MRPS27: variants seen among roughly 807,000 people sequenced by gnomAD.
MRPS27 encodes mitochondrial ribosomal protein S27, also known as small ribosomal subunit protein mS27.
In MRPS27, 43 loss-of-function variants were observed where a neutral mutation model predicts 48.9. The observed-to-expected ratio is 0.88, with a 90% CI of 0.69 to 1.13. The LOEUF (loss-of-function observed/expected upper bound fraction) is 1.13, where lower values mean the gene tolerates loss of function less well. Among genes scored for constraint, MRPS27 ranks in the 50% most tolerant of loss-of-function variants. The probability of loss-of-function intolerance (pLI) is 0.00; values close to 1 mark genes in which losing one functional copy is unlikely to be tolerated. For synonymous variants in MRPS27, 188 were observed against 171.9 expected (o/e 1.09, Z -0.73); for missense variants, 467 against 476.3 (o/e 0.98, Z 0.18).
intron 6 of MRPS27, 147 bp downstream of exon 6, chr5:72,233,972 T>G: frequency 1.2e-6 from 1 of 829,782 alleles, no homozygotes; most frequent in East Asian, 3.8e-5. Flanking sequence ...AAATTTTGCA[T>G]AAAAGATAAT....
chr5:72,305,052 AGAAG>A (rs1235689595), intron 2 of MRPS27, among the ~76,000 whole-genome samples: 2 of 152,250 alleles, frequency 1.3e-5, no homozygotes, highest in Non-Finnish European at 2.9e-5. Flanking sequence ...TTGAATATAC[AGAAG>A]GAAGTATGGA....
rs141829327 is a variant in MRPS27 at position 72,250,597 on chromosome 5, C to A, written c.282-12469G>T. On this transcript the variant is annotated intron_variant, in intron 4 of 10. Coordinates refer to ENST00000261413, the MANE Select transcript of MRPS27 (RefSeq NM_015084.3). ...TTAGAACCCAGCCCCGACTCACTAA[C>A]TGAGTCATTTAACCTAAGAATCAGT... Among the ~76,000 whole-genome samples the A allele has an allele frequency of 8.0e-3, 1,224 of 152,316 alleles. 9 individuals carry two copies. Among genetic ancestry groups the A allele is most frequent in the Non-Finnish European group, 0.012 (783 of 68,034 alleles).
At chr5:72,314,896 A>G (rs1750527098) in intron 1 of MRPS27, among the ~76,000 whole-genome samples, 2 of 152,234 alleles carry the variant, frequency 1.3e-5, no homozygotes, top group South Asian at 4.1e-4. Flanking sequence ...ACAGGTTTCA[A>G]TCATTTCACA....
chr5:72,229,980 G>A (rs577184397), intron 7 of MRPS27, among the ~76,000 whole-genome samples: 2 of 152,114 alleles, frequency 1.3e-5, no homozygotes, highest in African/African-American at 2.4e-5. Context: ...CAAACTTATG[G>A]GATCAAGGGA....
chr5:72,246,127 C>T (rs1488252319), intron 4 of MRPS27, among the ~76,000 whole-genome samples: 1 of 152,132 alleles, frequency 6.6e-6, no homozygotes, highest in East Asian at 1.9e-4. Context: ...AAGTAGGTGC[C>T]TGATAATTTG....
intron 4 of MRPS27, among the ~76,000 whole-genome samples, chr5:72,278,103 T>C (rs1749426114): frequency 6.6e-6 from 1 of 152,008 alleles, no homozygotes; most frequent in Non-Finnish European, 1.5e-5. Context: ...AAAACAAAAA[T>C]AAGCAGAACA....
At chr5:72,251,599 C>A (rs577029454) in intron 4 of MRPS27, among the ~76,000 whole-genome samples, 1 of 152,146 alleles carries the variant, frequency 6.6e-6, no homozygotes, top group East Asian at 1.9e-4. Context: ...GGGTTTATAC[C>A]TTGAGCTTTG....
chr5:72,226,077 T>C lies in MRPS27; in HGVS notation c.817A>G (p.Ile273Val), dbSNP rs764763380. Residue 273 changes from isoleucine (I) to valine (V), a missense_variant, in exon 9 of 11, where the codon ATA becomes GTA. Physicochemically the swap from Ile to Val is conservative, Grantham distance 29. Transcript: ENST00000261413. Reference sequence around the variant, plus strand: ...CATACCGCTTCTCTACACAGCTTTATGTCTTCTGGGGAGGCAGCCACTTTC... The same window carrying C: ...CATACCGCTTCTCTACACAGCTTTACGTCTTCTGGGGAGGCAGCCACTTTC... Reference protein sequence around the residue: ...MEKVAASPEDIKLCREALDVL... With the variant: ...MEKVAASPEDVKLCREALDVL... 2 of 1,613,764 alleles carry C rather than the reference T, an allele frequency of 1.2e-6. No homozygotes were observed. Among genetic ancestry groups the C allele is most frequent in the Non-Finnish European group, 1.7e-6 (2 of 1,179,788 alleles).
chr5:72,247,988 A>G (rs1451742074), intron 4 of MRPS27, among the ~76,000 whole-genome samples: 1 of 152,232 alleles, frequency 6.6e-6, no homozygotes, highest in East Asian at 1.9e-4. Flanking sequence ...ATTGGTTTTT[A>G]GAAAGGTTTA....
At chr5:72,269,725 A>G (rs1466633330) in intron 4 of MRPS27, among the ~76,000 whole-genome samples, 2 of 152,236 alleles carry the variant, frequency 1.3e-5, no homozygotes, top group Non-Finnish European at 2.9e-5. Flanking sequence ...ATGTGTATGC[A>G]TGGATTTGTA....
At position 72,252,956 on chromosome 5, in the gene MRPS27, T is replaced by C. The variant is rs75359078; in HGVS notation, c.282-14828A>G. Among the ~76,000 whole-genome samples, 565 of 152,206 alleles carry C rather than the reference T, an allele frequency of 3.7e-3. 1 individual carries two copies. Among genetic ancestry groups the C allele is most frequent in the African/African-American group, 0.013 (549 of 41,538 alleles). On this transcript the variant is annotated intron_variant, in intron 4 of 10. Transcript: ENST00000261413. ...TACCCAAGTCCAGAGTCCTTCTGGCTCACTCTCTCCAGAAAGAAAACAACC... is the reference window on the plus strand; with the variant it reads ...TACCCAAGTCCAGAGTCCTTCTGGCCCACTCTCTCCAGAAAGAAAACAACC...
intron 4 of MRPS27, among the ~76,000 whole-genome samples, chr5:72,254,316 A>G (rs987981485): frequency 6.6e-6 from 1 of 152,190 alleles, no homozygotes; most frequent in Non-Finnish European, 1.5e-5. Context: ...CTAGGAAACT[A>G]GGGAGCATAC....
At chr5:72,254,059 A>C (rs1293773087) in intron 4 of MRPS27, among the ~76,000 whole-genome samples, 1 of 152,334 alleles carries the variant, frequency 6.6e-6, no homozygotes, top group East Asian at 1.9e-4. Flanking sequence ...GACTACAGGC[A>C]GGTGACCCTG....
Position 72,220,007 on chromosome 5 carries a change from A to T in MRPS27, c.*902T>A, listed in dbSNP as rs1320104291. On this transcript the variant is annotated 3_prime_UTR_variant, in exon 11 of 11. Coordinates refer to ENST00000261413, the MANE Select transcript of MRPS27 (RefSeq NM_015084.3). ...GGTGCCTAAAAATGGAAATCCAGTGAGTTCATGGCCTTGAGTTCACTCCTG... is the reference window on the plus strand; with the variant it reads ...GGTGCCTAAAAATGGAAATCCAGTGTGTTCATGGCCTTGAGTTCACTCCTG... 1.3e-5 allele frequency: 2 copies of T among 152,678 alleles called. No individual in the cohort carries two copies. The highest frequency in any genetic ancestry group is 2.9e-5 in the Non-Finnish European group (2 of 68,048). 9.5% of individuals were successfully genotyped at this position (152,678 alleles called of 1,614,324 possible).
At chr5:72,226,256 G>T (rs1487057934) in intron 8 of MRPS27, 57 bp from the exon 9 acceptor site, 2 of 1,599,548 alleles carry the variant, frequency 1.3e-6, no homozygotes, top group South Asian at 1.1e-5. Flanking sequence ...CCATTTCTAA[G>T]ACTGAGGACC....
intron 4 of MRPS27, among the ~76,000 whole-genome samples, chr5:72,241,972 T>C (rs1367163523): frequency 6.6e-6 from 1 of 152,226 alleles, no homozygotes. Context: ...AAGGTTGTGC[T>C]CATGAAGGCT....
intron 5 of MRPS27, among the ~76,000 whole-genome samples, chr5:72,237,596 C>A (rs531603540): frequency 6.6e-6 from 1 of 152,186 alleles, no homozygotes; most frequent in Admixed American, 6.5e-5. Context: ...GGTGGTGTAA[C>A]AGTCAGAAAG....
At chr5:72,286,895 T>C (rs1749685658) in intron 4 of MRPS27, among the ~76,000 whole-genome samples, 1 of 152,112 alleles carries the variant, frequency 6.6e-6, no homozygotes, top group African/African-American at 2.4e-5. Flanking sequence ...ACAAAACTTC[T>C]AAAACAAAAT....
intron 1 of MRPS27, among the ~76,000 whole-genome samples, chr5:72,318,996 A>C (rs1417620722): frequency 1.3e-5 from 2 of 152,182 alleles, no homozygotes; most frequent in Admixed American, 1.3e-4. Flanking sequence ...TCTTCAGAAA[A>C]CTGGTGGCCA....
Sources: gnomAD v4.1 joint callset for allele counts (sites outside exome capture counted in the v4.1 genomes callset) on GRCh38, gnomAD v4.1.1 for gene constraint, MANE v1.5 for transcripts, NCBI Gene and HGNC (gene_info 2026-07-23, HGNC 2026-07-21) for gene names.